Variants in LDLRAD4 observed in about 807,000 individuals in gnomAD.
LDLRAD4 encodes low density lipoprotein receptor class A domain containing 4.
Under a neutral mutation model 17.0 loss-of-function variants are expected in LDLRAD4, and 5 were observed. The observed-to-expected ratio is 0.29, with a 90% CI of 0.15 to 0.62. The LOEUF (loss-of-function observed/expected upper bound fraction) is 0.62. Ranked by LOEUF, LDLRAD4 falls within the 20% of genes least tolerant of loss-of-function variation. LDLRAD4 has a pLI of 0.84. For missense variants in LDLRAD4, 340 were observed against 424.7 expected (o/e 0.80, Z 1.75); for synonymous variants, 168 against 171.8 (o/e 0.98, Z 0.17).
chr18:13,623,732 C>T (rs542556733), intron 4 of LDLRAD4, among the ~76,000 whole-genome samples: 5 of 152,342 alleles, frequency 3.3e-5, no homozygotes, highest in African/African-American at 9.6e-5. Flanking sequence ...GACACAGACT[C>T]AGGCCTTGCT....
At chr18:13,238,757 C>T (rs948357175) in intron 1 of LDLRAD4, among the ~76,000 whole-genome samples, 3 of 152,278 alleles carry the variant, frequency 2.0e-5, no homozygotes, top group African/African-American at 4.8e-5. Context: ...GTGGTGACTA[C>T]GCCTGTGTTT....
intron 3 of LDLRAD4, among the ~76,000 whole-genome samples, chr18:13,484,338 C>T (rs2093167115): frequency 6.6e-6 from 1 of 152,214 alleles, no homozygotes; most frequent in African/African-American, 2.4e-5. Context: ...TGTTAAAATA[C>T]TTTCTAGGCT....
intron 2 of LDLRAD4, among the ~76,000 whole-genome samples, chr18:13,432,880 C>A (rs1018808963): frequency 4.6e-5 from 7 of 152,158 alleles, no homozygotes; most frequent in African/African-American, 1.7e-4. Context: ...CCAAGCTCAG[C>A]TAATTTTTTA....
intron 1 of LDLRAD4, chr18:13,382,566 G>A (rs760613137): frequency 3.9e-5 from 6 of 152,018 alleles, no homozygotes; most frequent in Non-Finnish European, 8.8e-5. Flanking sequence ...TTATTTCCTG[G>A]TTAGTCCTGC....
intron 1 of LDLRAD4, among the ~76,000 whole-genome samples, chr18:13,358,658 T>A (rs557838621): frequency 6.6e-6 from 1 of 152,302 alleles, no homozygotes; most frequent in Non-Finnish European, 1.5e-5. Context: ...CGAAAACTAC[T>A]AATTCTACCG....
At chr18:13,519,092 A>G (rs1259368158) in intron 3 of LDLRAD4, among the ~76,000 whole-genome samples, 1 of 152,224 alleles carries the variant, frequency 6.6e-6, no homozygotes, top group Non-Finnish European at 1.5e-5. Context: ...TTGCTTTGGC[A>G]AATACTTTCG....
intron 2 of LDLRAD4, among the ~76,000 whole-genome samples, chr18:13,435,807 A>G (rs775378948): frequency 6.6e-6 from 1 of 152,250 alleles, no homozygotes; most frequent in Non-Finnish European, 1.5e-5. Flanking sequence ...AGCCAAGCAC[A>G]TTAGTAGCAC....
chr18:13,328,149 C>A (rs758245131), intron 1 of LDLRAD4, among the ~76,000 whole-genome samples: 1 of 152,216 alleles, frequency 6.6e-6, no homozygotes, highest in Non-Finnish European at 1.5e-5. Flanking sequence ...CTTCCTGATA[C>A]AAAGCCGCTG....
intron 3 of LDLRAD4, among the ~76,000 whole-genome samples, chr18:13,524,044 C>T (rs1035437205): frequency 1.3e-5 from 2 of 152,178 alleles, no homozygotes; most frequent in Non-Finnish European, 2.9e-5. Flanking sequence ...GCGTGATCCT[C>T]GGCACAGATG....
chr18:13,307,228 C>T (rs753192224), intron 1 of LDLRAD4, among the ~76,000 whole-genome samples: 2 of 152,126 alleles, frequency 1.3e-5, no homozygotes, highest in Non-Finnish European at 2.9e-5. Flanking sequence ...CCTTTCCTGT[C>T]CCGGTTCCCA....
intron 1 of LDLRAD4, among the ~76,000 whole-genome samples, chr18:13,353,399 A>G (rs532305212): frequency 6.6e-6 from 1 of 152,154 alleles, no homozygotes; most frequent in Non-Finnish European, 1.5e-5. Context: ...ATGCTTTTCA[A>G]TTCCCAAGTA....
intron 1 of LDLRAD4, among the ~76,000 whole-genome samples, chr18:13,222,874 A>G (rs2041541037): frequency 6.6e-6 from 1 of 152,216 alleles, no homozygotes; most frequent in Admixed American, 6.5e-5. Context: ...TTAGCTGCCC[A>G]GGGCCTAAAG....
intron 1 of LDLRAD4, among the ~76,000 whole-genome samples, chr18:13,291,726 G>A (rs2045974032): frequency 6.6e-6 from 1 of 152,154 alleles, no homozygotes; most frequent in African/African-American, 2.4e-5. Context: ...GAATTTTAAC[G>A]AAGCAATGTT....
chr18:13,327,204 T>C (rs1224238619), intron 1 of LDLRAD4, among the ~76,000 whole-genome samples: 1 of 152,082 alleles, frequency 6.6e-6, no homozygotes, highest in Non-Finnish European at 1.5e-5. Context: ...GAAATGATGA[T>C]GTTAGTGATG....
chr18:13,321,861 CAAAAAAAAAAAA>C (rs57033432), intron 1 of LDLRAD4, among the ~76,000 whole-genome samples: 3 of 62,140 alleles, frequency 4.8e-5, no homozygotes, highest in African/African-American at 6.4e-5. Flanking sequence ...GACTCCGTCT[CAAAAAAAAAAAA>C]AAAAAAAAAA....
At chr18:13,593,765 C>T (rs546880267) in intron 3 of LDLRAD4, among the ~76,000 whole-genome samples, 1 of 152,180 alleles carries the variant, frequency 6.6e-6, no homozygotes, top group South Asian at 2.1e-4. Flanking sequence ...CTCCTTCCTA[C>T]CCTCCTCCCT....
intron 3 of LDLRAD4, among the ~76,000 whole-genome samples, chr18:13,593,441 A>G (rs755442889): frequency 2.2e-4 from 33 of 152,214 alleles, no homozygotes; most frequent in Non-Finnish European, 4.0e-4. Context: ...AGTGTTAGTT[A>G]CAGAGGAGAC....
rs972423150 is a variant in LDLRAD4 at position 13,507,062 on chromosome 18, A to G, written c.181+68678A>G. 3.9e-5 allele frequency among the ~76,000 whole-genome samples: 6 copies of G among 152,332 alleles called. No individual in the cohort carries two copies. In the East Asian group the frequency reaches 7.7e-4, roughly 20 times the overall value. Reference sequence around the variant, plus strand: ...TCAGTAGCATGGGTGCATTTCATGTATCTGTGCCACATTTTGGCAATTCTT... The same window carrying G: ...TCAGTAGCATGGGTGCATTTCATGTGTCTGTGCCACATTTTGGCAATTCTT... On this transcript the variant is annotated intron_variant, in intron 3 of 5. Transcript: ENST00000359446.
intron 4 of LDLRAD4, among the ~76,000 whole-genome samples, chr18:13,640,478 ACTC>A (rs1195304984): frequency 1.3e-5 from 2 of 152,124 alleles, no homozygotes; most frequent in Admixed American, 1.3e-4. Flanking sequence ...AATGGCCTGA[ACTC>A]CTCTCTACCA....
Sources: gnomAD v4.1 joint callset for allele counts (sites outside exome capture counted in the v4.1 genomes callset) on GRCh38, gnomAD v4.1.1 for gene constraint, MANE v1.5 for transcripts, NCBI Gene and HGNC (gene_info 2026-07-23, HGNC 2026-07-21) for gene names.